The following ECEL1 variants were observed in gnomAD, a reference collection of about 807,000 sequenced individuals.
The protein encoded by ECEL1 is endothelin converting enzyme like 1, also known as endothelin-converting enzyme-like 1.
ECEL1 carries 87 observed loss-of-function variants against 101.8 expected under a neutral mutation model. The ratio of observed to expected loss-of-function variants is 0.85; its 90% confidence interval spans 0.72 to 1.02. The LOEUF (loss-of-function observed/expected upper bound fraction) is 1.02, where lower values mean the gene tolerates loss of function less well. Among genes scored for constraint, ECEL1 ranks in the 50% least tolerant of loss-of-function variants. ECEL1 has a pLI of 0.00. For synonymous variants in ECEL1, 487 were observed against 468.7 expected, an observed-to-expected ratio of 1.04 and a Z score of -0.50; for missense variants, 1,032 against 1,079.2, an observed-to-expected ratio of 0.96 and a Z score of 0.61.
rs759173837 is a variant in ECEL1 at position 232,483,406 on chromosome 2, C to A, written c.1506+10G>T. 8.1e-6 allele frequency: 13 copies of A among 1,595,746 alleles called. No individual in the cohort carries two copies. The highest frequency in any genetic ancestry group is 1.0e-5 in the Non-Finnish European group (12 of 1,172,706). On this transcript the variant is annotated intron_variant, in intron 8 of 17. Transcript: ENST00000304546. The stretch of plus-strand genomic sequence containing the variant: ...ATGGGACCAACCAATGACACTGGGT[C>A]CCCCCTCACCTTGGCCCGAGCAGCA...
intron 14 of ECEL1, 125 bp from the exon 15 acceptor site, chr2:232,481,281 A>AG (rs551381928): frequency 4.6e-5 from 63 of 1,363,900 alleles, no homozygotes; most frequent in South Asian, 3.2e-4. Context: ...AGAGAGTTTG[A>AG]GGGGGGGCTC....
rs774295158 is a variant in ECEL1, at chr2:232,486,028, C to T, written c.626G>A (p.Gly209Glu). The T allele has an allele frequency of 1.2e-6, 2 of 1,609,022 alleles. No individual in the cohort carries two copies. The highest frequency in any genetic ancestry group is 2.7e-5 in the African/African-American group (2 of 74,856). The part of the protein sequence containing the change: ...RPMLEVIEDC[G>E]GWDLGGAEER... ...CTCCGCGCCGCCCAGGTCCCAGCCC[C>T]CGCAGTCCTCGATGACCTCTAGCAT... Residue 209 changes from glycine to glutamate, a missense_variant, in exon 2 of 18, where the codon GGG becomes GAG. Transcript: ENST00000304546.
Position 232,486,136 on chromosome 2 carries a change from C to G in ECEL1, c.518G>C (p.Gly173Ala). ...GCGCACCTTGCGCTGGGCCGCGCCGCCAGGCCCACCCCCGGGCCGCGCCAG... is the reference window on the plus strand; with the variant it reads ...GCGCACCTTGCGCTGGGCCGCGCCGGCAGGCCCACCCCCGGGCCGCGCCAG... ...RLLARPGGGP[G>A]GAAQRKVRAF... The change falls in exon 2 of 18, where the codon GGC (glycine) becomes GCC (alanine). Residue 173 changes from glycine to alanine, a missense_variant. Physicochemically the swap from Gly to Ala is moderately conservative, Grantham distance 60. Coordinates refer to ENST00000304546, the MANE Select transcript of ECEL1 (RefSeq NM_004826.4). The G allele has an allele frequency of 1.3e-6, 2 of 1,562,466 alleles. No individual in the cohort carries two copies. Among genetic ancestry groups the G allele is most frequent in the Non-Finnish European group, 1.7e-6 (2 of 1,158,780 alleles).
Position 232,480,766 on chromosome 2 carries a change from G to C in ECEL1, c.2103C>G (p.Pro701=), listed in dbSNP as rs376825672. Reference sequence around the variant, plus strand: ...GCTGGTCATGTGTGTACTTGAGCCGGGGAAGTGGGTGCTCTGGGCCGTGCT... The same window carrying C: ...GCTGGTCATGTGTGTACTTGAGCCGCGGAAGTGGGTGCTCTGGGCCGTGCT... ...VREHGPEHPL[P]RLKYTHDQLF... is the part of the protein sequence containing the mutation. Residue 701 remains proline (P), a synonymous_variant, in exon 16 of 18, where the codon CCC becomes CCG. Transcript: ENST00000304546. 3.1e-6 allele frequency: 5 copies of C among 1,614,118 alleles called. No individual in the cohort carries two copies. The highest frequency in any genetic ancestry group is 1.7e-6 in the Non-Finnish European group (2 of 1,180,006).
At position 232,480,430 on chromosome 2, in the gene ECEL1, G is replaced by C. The variant is rs764061807; in HGVS notation, c.2197C>G (p.Leu733Val). Residue 733 changes from leucine to valine, a missense_variant, in exon 17 of 18, where the codon CTG becomes GTG. By Grantham distance (32) the Leu-to-Val change is conservative (BLOSUM62 1). Transcript: ENST00000304546. ...TGCTCAGGGGCATGCTTGTCAGTCA[G>C]CACCTGCAGGTAGATGGACTGCGAC... ...RRSQSIYLQV[L>V]TDKHAPEHYR... The C allele has an allele frequency of 6.2e-7, 1 of 1,614,016 alleles. No homozygotes were observed. The highest frequency in any genetic ancestry group is 8.5e-7 in the Non-Finnish European group (1 of 1,180,006).
Position 232,484,539 on chromosome 2 carries a change from C to T in ECEL1, c.1117G>A (p.Glu373Lys), listed in dbSNP as rs760476326. 5.0e-6 allele frequency: 8 copies of T among 1,613,974 alleles called. No individual in the cohort carries two copies. The Middle Eastern group carries it at 4.9e-4, about 100-fold the overall frequency. Reference protein sequence around the residue: ...IFQEDFSEEEEVVLLATDYMQ... With the variant: ...IFQEDFSEEEKVVLLATDYMQ... Reference sequence around the variant, plus strand: ...TAGTCTGTCGCCAGCAGCACCACCTCCTCTTCCTCTGAGAAGTCCTCCTGG... The same window carrying T: ...TAGTCTGTCGCCAGCAGCACCACCTTCTCTTCCTCTGAGAAGTCCTCCTGG... Residue 373 changes from glutamate (E) to lysine (K), a missense_variant, in exon 6 of 18, where the codon GAG becomes AAG. Transcript: ENST00000304546.
chr2:232,483,295 G>T lies in ECEL1; in HGVS notation c.1507-116C>A, dbSNP rs2742077. On this transcript the variant is annotated intron_variant, in intron 8 of 17. Transcript: ENST00000304546. ...CCAGCCTGGGAGTGGGCTTCACAGT[G>T]GGGGAGGCAGGCCTGGTCAACTCCA... 0.056 allele frequency: 86,674 copies of T among 1,547,646 alleles called. 2,782 individuals are homozygous for T. The highest frequency in any genetic ancestry group is 0.11 in the East Asian group (4,750 of 44,104).
chr2:232,483,912 G>T, intron 7 of ECEL1, 89 bp downstream of exon 7: 1 of 1,405,236 alleles, frequency 7.1e-7, no homozygotes, highest in Non-Finnish European at 9.7e-7. Flanking sequence ...CAGGGGACAT[G>T]TGGGGCTCCC....
chr2:232,481,974 C>T (rs902964192), intron 12 of ECEL1, 125 bp from the exon 13 acceptor site: 37 of 1,285,748 alleles, frequency 2.9e-5, no homozygotes, highest in Admixed American at 2.3e-4. Flanking sequence ...CAGAGGCATC[C>T]GTGCGGTCCA....
chr2:232,481,452 C>T, intron 14 of ECEL1, 54 bp downstream of exon 14: 1 of 1,562,488 alleles, frequency 6.4e-7, no homozygotes, highest in South Asian at 1.2e-5. Flanking sequence ...CGTGATGCTC[C>T]CGGCCCGTGC....
rs752475860 is a variant in ECEL1 at position 232,485,262 on chromosome 2, G to T, written c.792C>A (p.Asp264Glu). The change falls in exon 3 of 18, where the codon GAC (aspartate) becomes GAA (glutamate). Residue 264 changes from aspartate (D) to glutamate (E), a missense_variant. Transcript: ENST00000304546. ...TCTCTGGCAGGGTGAGCCCATCCTG[G>T]TCAATCTGGGGAGGGAGACAGGGGC... ...RNSSRYVIRI[D>E]QDGLTLPERT... The T allele has an allele frequency of 2.5e-6, 4 of 1,613,318 alleles. No individual in the cohort carries two copies. The Admixed American group carries it at 6.7e-5, about 27-fold the overall frequency.
At chr2:232,483,635 C>G in intron 7 of ECEL1, 121 bp from the exon 8 acceptor site, 1 of 798,728 alleles carries the variant, frequency 1.3e-6, no homozygotes, top group South Asian at 1.9e-5. Context: ...TTTCTGAACA[C>G]CAAGAGGATA....
chr2:232,480,477 T>C lies in ECEL1; in HGVS notation c.2152-2A>G, dbSNP rs1318593027. The C allele has an allele frequency of 1.2e-6, 2 of 1,613,732 alleles. No individual in the cohort carries two copies. The highest frequency in any genetic ancestry group is 1.3e-5 in the African/African-American group (1 of 74,924). On this transcript the variant is annotated splice_acceptor_variant, in intron 16 of 17. Transcript: ENST00000304546. LOFTEE classifies it high-confidence loss of function. The stretch of plus-strand genomic sequence containing the variant: ...CGACCGCCGCTTGATGCACCAGTTC[T>C]GGGTCCAGGAGCGGGGTGGAGGGGA...
chr2:232,484,864 C>G lies in ECEL1; in HGVS notation c.996G>C (p.Arg332=). 1 of 1,613,914 alleles carries G rather than the reference C, an allele frequency of 6.2e-7. No individual in the cohort carries two copies. Among genetic ancestry groups the G allele is most frequent in the African/African-American group, 1.3e-5 (1 of 75,036 alleles). ...TGTTGTACATGGAGCTGACATCTCG[C>G]CGTAGGTCGTCATGCTCTGACACAG... The part of the protein sequence containing the change: ...NITVSEHDDL[R]RDVSSMYNKV... Residue 332 remains arginine (R), a synonymous_variant, in exon 5 of 18, where the codon CGG becomes CGC. Coordinates refer to ENST00000304546, the MANE Select transcript of ECEL1 (RefSeq NM_004826.4).
Position 232,485,036 on chromosome 2 carries a change from T to C in ECEL1, c.911A>G (p.Asp304Gly). 6.2e-7 allele frequency: 1 copy of C among 1,612,828 alleles called. No individual in the cohort carries two copies. Among genetic ancestry groups the C allele is most frequent in the Admixed American group, 1.7e-5 (1 of 60,026 alleles). Residue 304 changes from aspartate (D) to glycine (G), a missense_variant, in exon 4 of 18, where the codon GAC (aspartate) becomes GGC (glycine). Physicochemically the swap from Asp to Gly is moderately conservative, Grantham distance 94 (BLOSUM62 -1). Transcript: ENST00000304546. ...MERVLSLLGA[D>G]AVEQKAQEIL... ...CTCTTGGGCCTTCTGTTCCACAGCGTCTGCACCCAGGAGGCTGAGCACTCG... is the reference window on the plus strand; with the variant it reads ...CTCTTGGGCCTTCTGTTCCACAGCGCCTGCACCCAGGAGGCTGAGCACTCG...
Position 232,484,177 on chromosome 2 carries a change from C to T in ECEL1, c.1231G>A (p.Glu411Lys). ...TCACGGAATGGCGGGGACAGGTGTT[C>T]ACTCAGGACCACCACCACGCGCCAC... ...LVWRVVVVLS[E>K]HLSPPFREAL... is the part of the protein sequence containing the mutation. Residue 411 changes from glutamate (E) to lysine (K), a missense_variant, in exon 7 of 18, where the codon GAA (glutamate) becomes AAA (lysine). Coordinates refer to ENST00000304546, the MANE Select transcript of ECEL1 (RefSeq NM_004826.4). The T allele has an allele frequency of 6.2e-7, 1 of 1,613,170 alleles. No individual in the cohort carries two copies. Among genetic ancestry groups the T allele is most frequent in the Non-Finnish European group, 8.5e-7 (1 of 1,179,924 alleles).
At chr2:232,483,295 G>C (rs2742077) in intron 8 of ECEL1, 116 bp from the exon 9 acceptor site, 47 of 1,547,950 alleles carry the variant, frequency 3.0e-5, no homozygotes, top group Non-Finnish European at 3.7e-5. Context: ...GCTTCACAGT[G>C]GGGGAGGCAG....
chr2:232,485,835 G>C (rs1286500197), intron 2 of ECEL1, 33 bp downstream of exon 2: 1 of 1,537,858 alleles, frequency 6.5e-7, no homozygotes, highest in Non-Finnish European at 8.7e-7. Context: ...CGGATCCGCG[G>C]CCGCTGGCAG....
chr2:232,483,489 T>C lies in ECEL1; in HGVS notation c.1433A>G (p.Lys478Arg), dbSNP rs747295334. The change falls in exon 8 of 18, where the codon AAG (lysine) becomes AGG (arginine). Residue 478 changes from lysine to arginine, a missense_variant. Coordinates refer to ENST00000304546, the MANE Select transcript of ECEL1 (RefSeq NM_004826.4). ...CTCCAGGCGCTGGCCCAGGATGTACTTGATGTCTTCCACTAGCTGCTGCAC... is the reference window on the plus strand; with the variant it reads ...CTCCAGGCGCTGGCCCAGGATGTACCTGATGTCTTCCACTAGCTGCTGCAC... ...AKVQQLVEDI[K>R]YILGQRLEEL... 4 of 1,611,770 alleles carry C rather than the reference T, an allele frequency of 2.5e-6. No homozygotes were observed. The highest frequency in any genetic ancestry group is 3.4e-6 in the Non-Finnish European group (4 of 1,179,534).
Sources: gnomAD v4.1 joint callset for allele counts on GRCh38, gnomAD v4.1.1 for gene constraint, MANE v1.5 for transcripts, NCBI Gene and HGNC (gene_info 2026-07-23, HGNC 2026-07-21) for gene names.